The following IMMP2L variants were observed in gnomAD, a reference collection of about 807,000 sequenced individuals.
IMMP2L encodes inner mitochondrial membrane peptidase subunit 2.
In IMMP2L, 18 loss-of-function variants were observed where a neutral mutation model predicts 19.3. That is an observed-to-expected ratio of 0.93 (90% CI 0.64 to 1.38). IMMP2L has a LOEUF of 1.38. Among genes scored for constraint, IMMP2L ranks in the 40% most tolerant of loss-of-function variants. The pLI is 0.00. For synonymous variants in IMMP2L, 76 were observed against 73.0 expected, an observed-to-expected ratio of 1.04 and a Z score of -0.21; for missense variants, 233 against 218.2, an observed-to-expected ratio of 1.07 and a Z score of -0.43.
At chr7:111,178,467 C>T (rs1807324538) in intron 3 of IMMP2L, among the ~76,000 whole-genome samples, 1 of 151,930 alleles carries the variant, frequency 6.6e-6, no homozygotes, top group Non-Finnish European at 1.5e-5. Context: ...AAAGTCTGCC[C>T]TATTAATTAA....
chr7:111,054,530 G>A (rs1793315314), intron 3 of IMMP2L, among the ~76,000 whole-genome samples: 1 of 152,176 alleles, frequency 6.6e-6, no homozygotes, highest in Non-Finnish European at 1.5e-5. Context: ...CCCAGGAACT[G>A]AGCACCTAAA....
chr7:111,180,219 G>A (rs1387264875), intron 3 of IMMP2L, among the ~76,000 whole-genome samples: 1 of 151,998 alleles, frequency 6.6e-6, no homozygotes, highest in South Asian at 2.1e-4. Flanking sequence ...TTTTTTACAT[G>A]CTTTCCTCAC....
intron 4 of IMMP2L, among the ~76,000 whole-genome samples, chr7:110,932,903 T>C (rs1345726607): frequency 6.6e-6 from 1 of 152,204 alleles, no homozygotes; most frequent in East Asian, 1.9e-4. Flanking sequence ...GCATGATATA[T>C]GACCATACAT....
chr7:111,501,482 G>A (rs1844249280), intron 2 of IMMP2L, among the ~76,000 whole-genome samples: 1 of 152,040 alleles, frequency 6.6e-6, no homozygotes, highest in Non-Finnish European at 1.5e-5. Context: ...ACGCCACAAA[G>A]ATACTCCTCG....
chr7:111,534,060 T>C (rs1211819162), intron 1 of IMMP2L, among the ~76,000 whole-genome samples: 1 of 151,930 alleles, frequency 6.6e-6, no homozygotes, highest in Non-Finnish European at 1.5e-5. Flanking sequence ...ACACTAATAA[T>C]AAAATCAATA....
intron 3 of IMMP2L, among the ~76,000 whole-genome samples, chr7:111,044,786 T>C (rs1792232241): frequency 6.6e-6 from 1 of 152,124 alleles, no homozygotes; most frequent in Admixed American, 6.5e-5. Flanking sequence ...GTTACAAATA[T>C]GTAAGTGGGC....
intron 3 of IMMP2L, among the ~76,000 whole-genome samples, chr7:110,999,438 A>G (rs1200365642): frequency 6.7e-6 from 1 of 149,764 alleles, no homozygotes; most frequent in Non-Finnish European, 1.5e-5. Context: ...ATTTTCTGCA[A>G]GATTTTCTCA....
At chr7:111,408,505 A>T (rs1834091461) in intron 3 of IMMP2L, among the ~76,000 whole-genome samples, 1 of 151,698 alleles carries the variant, frequency 6.6e-6, no homozygotes, top group African/African-American at 2.4e-5. Flanking sequence ...TATAATAAAG[A>T]TTTTTCTAGT....
At chr7:111,386,579 G>C (rs1259748771) in intron 3 of IMMP2L, among the ~76,000 whole-genome samples, 4 of 152,144 alleles carry the variant, frequency 2.6e-5, no homozygotes, top group Non-Finnish European at 5.9e-5. Flanking sequence ...GGCAGACAGA[G>C]AGAGGGAATG....
chr7:110,817,878 A>G lies in IMMP2L; in HGVS notation c.408+68715T>C, dbSNP rs535581203. 2.6e-5 allele frequency among the ~76,000 whole-genome samples: 4 copies of G among 152,278 alleles called. 1 individual carries two copies. In the South Asian group the frequency reaches 8.3e-4, roughly 32 times the overall value. On this transcript the variant is annotated intron_variant, in intron 5 of 5. Coordinates refer to ENST00000405709, the MANE Select transcript of IMMP2L (RefSeq NM_032549.4). ...GCAATGGGGAATGGATTTCCTATTT[A>G]ATAAATGGTGCTGCGAAAACTGGCT...
chr7:110,768,137 G>C (rs1798788525), intron 5 of IMMP2L, among the ~76,000 whole-genome samples: 1 of 152,050 alleles, frequency 6.6e-6, no homozygotes, highest in Admixed American at 6.6e-5. Context: ...AGTGACTTGG[G>C]ATGCTGCTTT....
At chr7:111,301,851 C>T (rs1822271789) in intron 3 of IMMP2L, among the ~76,000 whole-genome samples, 1 of 132,576 alleles carries the variant, frequency 7.5e-6, no homozygotes, top group Non-Finnish European at 1.5e-5. Context: ...GTCTTGAATA[C>T]TATAGCTATA....
intron 3 of IMMP2L, among the ~76,000 whole-genome samples, chr7:111,423,376 A>G (rs1484234267): frequency 6.6e-6 from 1 of 151,850 alleles, no homozygotes; most frequent in East Asian, 1.9e-4. Flanking sequence ...CCTATTAATT[A>G]TTGCCTCAAT....
chr7:111,488,957 A>G (rs1347251822), intron 2 of IMMP2L, among the ~76,000 whole-genome samples: 2 of 149,220 alleles, frequency 1.3e-5, no homozygotes. Context: ...ATAATTAAAG[A>G]TGTTGAAGAT....
At chr7:110,856,300 T>TA (rs959005086) in intron 5 of IMMP2L, among the ~76,000 whole-genome samples, 1 of 151,936 alleles carries the variant, frequency 6.6e-6, no homozygotes, top group African/African-American at 2.4e-5. Flanking sequence ...TGTCAAACTT[T>TA]AAAAAAAGTC....
chr7:110,895,091 C>G (rs960069458), intron 4 of IMMP2L, among the ~76,000 whole-genome samples: 2 of 152,138 alleles, frequency 1.3e-5, no homozygotes, highest in African/African-American at 4.8e-5. Context: ...GCTCGGGAGG[C>G]CTCACAAACA....
In IMMP2L at chr7:110,904,286, T is replaced by C. The variant is rs562635708; in HGVS notation, c.306-17591A>G. The stretch of plus-strand genomic sequence containing the variant: ...TGCCACTCGTTTATTTTTGTTTTCA[T>C]TGACTTTACTTTTAGTGTCATATCC... On this transcript the variant is annotated intron_variant, in intron 4 of 5. Coordinates refer to ENST00000405709, the MANE Select transcript of IMMP2L (RefSeq NM_032549.4). Among the ~76,000 whole-genome samples, 53 of 152,318 alleles carry C rather than the reference T, an allele frequency of 3.5e-4. No homozygotes were observed. The South Asian group carries it at 0.011, about 31-fold the overall frequency.
At chr7:111,514,731 T>C (rs1049526438) in intron 2 of IMMP2L, among the ~76,000 whole-genome samples, 1 of 152,088 alleles carries the variant, frequency 6.6e-6, no homozygotes, top group South Asian at 2.1e-4. Flanking sequence ...TATGGATTCA[T>C]AGCCAATCTT....
chr7:111,026,698 AATCAATTT>A (rs1826862956), intron 3 of IMMP2L, among the ~76,000 whole-genome samples: 1 of 152,164 alleles, frequency 6.6e-6, no homozygotes, highest in African/African-American at 2.4e-5. Context: ...AAAGAAATGG[AATCAATTT>A]TTATTACAGA....
Sources: allele counts gnomAD v4.1 joint callset (sites outside exome capture counted in the v4.1 genomes callset), GRCh38; gene constraint gnomAD v4.1.1; transcripts MANE v1.5; gene names NCBI Gene and HGNC (gene_info 2026-07-23, HGNC 2026-07-21).